SUGCT: variants seen among roughly 807,000 people sequenced by gnomAD.
SUGCT encodes the protein succinyl-CoA:glutarate CoA-transferase.
Under a neutral mutation model 55.0 loss-of-function variants are expected in SUGCT, and 41 were observed. The observed-to-expected ratio is 0.74, with a 90% CI of 0.58 to 0.97. SUGCT has a LOEUF of 0.97. Ranked by LOEUF, SUGCT falls within the 50% of genes least tolerant of loss-of-function variation. The pLI is 0.00. For synonymous variants in SUGCT, 187 were observed against 200.4 expected (o/e 0.93, Z 0.56); for missense variants, 568 against 547.8 (o/e 1.04, Z -0.37).
At chr7:40,602,348 A>G (rs1798336790) in intron 12 of SUGCT, among the ~76,000 whole-genome samples, 1 of 152,130 alleles carries the variant, frequency 6.6e-6, no homozygotes, top group Non-Finnish European at 1.5e-5. Flanking sequence ...TGTCGGGGGG[A>G]AGAAGAGGGC....
At chr7:40,990,039 A>G in the SUGCT span, among the ~76,000 whole-genome samples, 1 of 152,242 alleles carries the variant, frequency 6.6e-6, no homozygotes, top group African/African-American at 2.4e-5. Context: ...TGGCATCAAG[A>G]ATGGTGAATA....
At chr7:40,393,431 A>G (rs114194363) in intron 9 of SUGCT, among the ~76,000 whole-genome samples, 1,526 of 152,346 alleles carry the variant, frequency 0.01, 23 homozygotes, top group African/African-American at 0.035. Flanking sequence ...TGATCTTGAC[A>G]GAAGCCGTGA....
chr7:40,496,444 G>A (rs1791981113), intron 12 of SUGCT, 58 bp downstream of exon 12: 2 of 1,185,420 alleles, frequency 1.7e-6, no homozygotes, highest in South Asian at 1.3e-5. Context: ...CTTATATCAA[G>A]GTACCTTTGC....
the SUGCT span, among the ~76,000 whole-genome samples, chr7:41,009,787 G>C: frequency 6.6e-6 from 1 of 152,086 alleles, no homozygotes; most frequent in Non-Finnish European, 1.5e-5. Flanking sequence ...TCATTATGTG[G>C]TCTGACTTTT....
chr7:40,524,459 C>T (rs1793705152), intron 12 of SUGCT, among the ~76,000 whole-genome samples: 1 of 152,012 alleles, frequency 6.6e-6, no homozygotes, highest in Non-Finnish European at 1.5e-5. Flanking sequence ...TGCTAGTTTG[C>T]TCGTGTATTT....
intron 12 of SUGCT, among the ~76,000 whole-genome samples, chr7:40,498,605 G>T (rs1217771043): frequency 6.6e-6 from 1 of 152,140 alleles, no homozygotes; most frequent in African/African-American, 2.4e-5. Context: ...TTAAGACCAT[G>T]GAGTCAAAAT....
intron 12 of SUGCT, among the ~76,000 whole-genome samples, chr7:40,510,898 G>C (rs1792889223): frequency 6.6e-6 from 1 of 152,160 alleles, no homozygotes; most frequent in Admixed American, 6.6e-5. Context: ...ACCATTGGTG[G>C]ATGCCTCAGA....
intron 12 of SUGCT, among the ~76,000 whole-genome samples, chr7:40,610,261 AC>A (rs1196218092): frequency 6.6e-6 from 1 of 152,222 alleles, no homozygotes; most frequent in Admixed American, 6.5e-5. Context: ...AAATATTTAT[AC>A]ATGTAATTTT....
chr7:40,301,540 C>T (rs1043103462), intron 8 of SUGCT, among the ~76,000 whole-genome samples: 1 of 152,186 alleles, frequency 6.6e-6, no homozygotes, highest in African/African-American at 2.4e-5. Flanking sequence ...TGGCTTTGCA[C>T]CTTTCCCTGG....
intron 12 of SUGCT, among the ~76,000 whole-genome samples, chr7:40,562,976 C>G (rs988003462): frequency 2.6e-5 from 4 of 152,158 alleles, no homozygotes; most frequent in African/African-American, 4.8e-5. Context: ...ATTTCTCTCT[C>G]TCAGTGGCTT....
Position 40,340,825 on chromosome 7 carries a change from C to T in SUGCT, c.816+23970C>T, listed in dbSNP as rs536369126. Among the ~76,000 whole-genome samples the T allele has an allele frequency of 6.6e-5, 10 of 152,038 alleles. No individual in the cohort carries two copies. The South Asian group carries it at 1.5e-3, about 22-fold the overall frequency. ...GACTGCTTGATGATCAGGGTGCTCA[C>T]GGGGAAAAAAGGAGATCTGGAAACT... On this transcript the variant is annotated intron_variant, in intron 9 of 13. Coordinates refer to ENST00000335693, the MANE Select transcript of SUGCT (RefSeq NM_001193313.2).
At chr7:40,205,726 A>AATATGCAAT (rs1403173791) in intron 6 of SUGCT, among the ~76,000 whole-genome samples, 153 of 151,890 alleles carry the variant, frequency 1.0e-3, no homozygotes, top group African/African-American at 3.6e-3. Flanking sequence ...ATATGCAAGT[A>AATATGCAAT]CCCTCTCATG....
intron 12 of SUGCT, among the ~76,000 whole-genome samples, chr7:40,660,407 C>T (rs995093633): frequency 4.6e-5 from 7 of 152,074 alleles, no homozygotes; most frequent in Non-Finnish European, 1.0e-4. Context: ...TACAGGTGCC[C>T]ACCACCATGT....
the SUGCT span, among the ~76,000 whole-genome samples, chr7:40,991,957 A>C: frequency 3.3e-4 from 50 of 152,096 alleles, no homozygotes; most frequent in African/African-American, 1.2e-3. Context: ...AGAGGTCCCA[A>C]TCCAGACCCC....
chr7:40,569,330 T>C (rs1796316124), intron 12 of SUGCT, among the ~76,000 whole-genome samples: 1 of 152,172 alleles, frequency 6.6e-6, no homozygotes, highest in Non-Finnish European at 1.5e-5. Flanking sequence ...ATGTGTGAAA[T>C]GTCATCCTTT....
At chr7:40,624,702 G>A (rs893417039) in intron 12 of SUGCT, among the ~76,000 whole-genome samples, 4 of 151,738 alleles carry the variant, frequency 2.6e-5, no homozygotes, top group Admixed American at 1.3e-4. Context: ...AAGGAAAGTC[G>A]GGAGTGAGGA....
intron 13 of SUGCT, among the ~76,000 whole-genome samples, chr7:40,842,097 G>A (rs552962982): frequency 2.0e-5 from 3 of 152,150 alleles, no homozygotes; most frequent in Admixed American, 2.0e-4. Flanking sequence ...TAGTTAATAA[G>A]GAGAATATGC....
chr7:40,833,817 A>G (rs1393663463), intron 13 of SUGCT, among the ~76,000 whole-genome samples: 1 of 152,236 alleles, frequency 6.6e-6, no homozygotes, highest in Non-Finnish European at 1.5e-5. Flanking sequence ...CAGCAAGTTC[A>G]AAGAGTTTTG....
At chr7:40,963,301 T>A in the SUGCT span, among the ~76,000 whole-genome samples, 2 of 152,150 alleles carry the variant, frequency 1.3e-5, no homozygotes, top group Non-Finnish European at 2.9e-5. Context: ...CAAGAACATG[T>A]CCTATCCCAA....
Sources: gnomAD v4.1 joint callset for allele counts (sites outside exome capture counted in the v4.1 genomes callset) on GRCh38, gnomAD v4.1.1 for gene constraint, MANE v1.5 for transcripts, NCBI Gene and HGNC (gene_info 2026-07-23, HGNC 2026-07-21) for gene names.